The following PRPF8 variants were observed in gnomAD, a reference collection of about 807,000 sequenced individuals.
PRPF8 encodes the protein pre-mRNA-processing-splicing factor 8.
PRPF8 carries 64 observed loss-of-function variants against 285.9 expected under a neutral mutation model. The ratio of observed to expected loss-of-function variants is 0.22; its 90% CI spans 0.18 to 0.28. PRPF8 has a LOEUF of 0.28. Ranked by LOEUF, PRPF8 falls within the 10% of genes least tolerant of loss-of-function variation. The pLI is 1.00. For missense variants in PRPF8, 1,426 were observed against 3,026.7 expected (o/e 0.47, Z 12.41); for synonymous variants, 1,325 against 1,118.2 (o/e 1.18, Z -3.69).
At chr17:1,684,262 A>G (rs1008068917) in intron 2 of PRPF8, among the ~76,000 whole-genome samples, 1 of 152,218 alleles carries the variant, frequency 6.6e-6, no homozygotes. Context: ...CCGTAAGGAC[A>G]GGAATTTTGT....
At position 1,683,676 on chromosome 17, in the gene PRPF8, G is replaced by C; in HGVS notation, c.126C>G (p.Ala42=). The C allele has an allele frequency of 6.2e-7, 1 of 1,613,984 alleles. No homozygotes were observed. Residue 42 remains alanine (A), a synonymous_variant, in exon 3 of 43, where the codon GCC becomes GCG. Transcript: ENST00000304992. The part of the protein sequence containing the change: ...EKARKWQQLQ[A]KRYAEKRKFG... ...ACTTCCGCTTTTCTGCATAGCGCTT[G>C]GCCTGCAATTGCTGCCATTTTCGAG...
intron 3 of PRPF8, among the ~76,000 whole-genome samples, 188 bp from the exon 4 acceptor site, chr17:1,682,481 T>C (rs1912983750): frequency 1.3e-5 from 2 of 152,172 alleles, no homozygotes; most frequent in Non-Finnish European, 2.9e-5. Context: ...TGCACCACTC[T>C]TCTTAAACGT....
At position 1,679,276 on chromosome 17, in the gene PRPF8, C is replaced by T; in HGVS notation, c.1409+15G>A. On this transcript the variant is annotated intron_variant, in intron 10 of 42. Transcript: ENST00000304992. The surrounding 1 kb of genome is among the most constrained non-coding windows in gnomAD (Gnocchi z 4.7). ...CTGGAACAGAAGTCTGCGCAGGGCC[C>T]CTGGGGCACCTTACCTCTTCTTTTG... is the stretch of plus-strand genomic sequence containing the variant. 6.2e-7 allele frequency: 1 copy of T among 1,614,142 alleles called. No individual in the cohort carries two copies. Among genetic ancestry groups the T allele is most frequent in the Non-Finnish European group, 8.5e-7 (1 of 1,180,014 alleles).
chr17:1,651,232 G>T lies in PRPF8; in HGVS notation c.6729C>A (p.Asp2243Glu). 6.2e-7 allele frequency: 1 copy of T among 1,614,136 alleles called. No homozygotes were observed. The highest frequency in any genetic ancestry group is 8.5e-7 in the Non-Finnish European group (1 of 1,180,040). Reference protein sequence around the residue: ...SGYEWGRQNTDKGNNPKGYLP... With the variant: ...SGYEWGRQNTEKGNNPKGYLP... ...GGTAGCCCTTGGGGTTGTTGCCCTT[G>T]TCTGTGTTCTGGCGGCCCCATTCGT... Residue 2243 changes from aspartate (D) to glutamate (E), a missense_variant, in exon 42 of 43, where the codon GAC becomes GAA. Physicochemically the swap from Asp to Glu is conservative, Grantham distance 45 (BLOSUM62 2). Transcript: ENST00000304992. This position sits in a 1 kb window ranked among gnomAD's most constrained non-coding sequence, Gnocchi z 5.1.
intron 37 of PRPF8, chr17:1,654,924 C>G (rs1012363387): frequency 2.3e-5 from 5 of 218,380 alleles, no homozygotes; most frequent in African/African-American, 1.2e-4. Flanking sequence ...AGCACTCAAG[C>G]CTGGCTAAGA....
chr17:1,654,687 A>G (rs1911261107), intron 37 of PRPF8: 1 of 171,286 alleles, frequency 5.8e-6, no homozygotes, highest in Admixed American at 5.4e-5. Flanking sequence ...GCTGGAGTAC[A>G]GTGGCATCAT....
intron 36 of PRPF8, among the ~76,000 whole-genome samples, 171 bp from the exon 37 acceptor site, chr17:1,655,714 C>T (rs1424944001): frequency 1.3e-5 from 2 of 151,594 alleles, no homozygotes; most frequent in Non-Finnish European, 2.9e-5. Flanking sequence ...GCAAGCTCCG[C>T]CTCCCAGGTT....
chr17:1,662,070 G>A lies in PRPF8; in HGVS notation c.3858C>T (p.Asp1286=). ...EAVVNTQELL[D]LLVKCENKIQ... Reference sequence around the variant, plus strand: ...TTTTGTTCTCACACTTCACCAGTAAGTCCAAGAGCTCTTGGGTGTTCACCA... The same window carrying A: ...TTTTGTTCTCACACTTCACCAGTAAATCCAAGAGCTCTTGGGTGTTCACCA... Residue 1286 remains aspartate (D), a synonymous_variant, in exon 25 of 43, where the codon GAC becomes GAT. Coordinates refer to ENST00000304992, the MANE Select transcript of PRPF8 (RefSeq NM_006445.4). 1 of 1,614,082 alleles carries A rather than the reference G, an allele frequency of 6.2e-7. No homozygotes were observed. Among genetic ancestry groups the A allele is most frequent in the Non-Finnish European group, 8.5e-7 (1 of 1,180,026 alleles).
chr17:1,652,230 A>G (rs565203541), intron 39 of PRPF8: 33 of 304,784 alleles, frequency 1.1e-4, no homozygotes, highest in South Asian at 9.9e-4. Flanking sequence ...AAATTTGCCA[A>G]CCTGACAGCC....
chr17:1,665,657 G>T (rs1313115103), intron 24 of PRPF8, among the ~76,000 whole-genome samples: 2 of 151,646 alleles, frequency 1.3e-5, no homozygotes, highest in African/African-American at 4.8e-5. Flanking sequence ...GCCTGGCCAA[G>T]ATGGTGAAAC....
Position 1,653,339 on chromosome 17 carries a change from C to T in PRPF8, c.6369+203G>A, listed in dbSNP as rs116448896. ...TCCAAATACTATCAGGCCAATACTA[C>T]AATTACTACCTTCTCTCAGCTGCCA... On this transcript the variant is annotated intron_variant, in intron 39 of 42. Transcript: ENST00000304992. This position sits in a 1 kb window ranked among gnomAD's most constrained non-coding sequence, Gnocchi z 4.9. 1.3e-3 allele frequency: 900 copies of T among 686,180 alleles called. 9 individuals are homozygous for T. The African/African-American group carries it at 0.014, about 11-fold the overall frequency. 42.5% of individuals were successfully genotyped at this position (686,180 alleles called of 1,614,324 possible). A position where few individuals can be genotyped will look rare whatever the true frequency, so the allele number is the denominator to read the frequency against.
intron 21 of PRPF8, 104 bp downstream of exon 21, chr17:1,674,338 A>C: frequency 8.2e-7 from 1 of 1,224,608 alleles, no homozygotes; most frequent in South Asian, 1.2e-5. Flanking sequence ...TTCCATTTTA[A>C]AGCCCCAACA....
chr17:1,666,842 C>G (rs1912016304), intron 24 of PRPF8, among the ~76,000 whole-genome samples: 1 of 152,072 alleles, frequency 6.6e-6, no homozygotes, highest in Non-Finnish European at 1.5e-5. Context: ...GACTGAGCAT[C>G]TCGCATGTCC....
intron 36 of PRPF8, among the ~76,000 whole-genome samples, chr17:1,655,817 G>T (rs1911348557): frequency 6.6e-6 from 1 of 151,680 alleles, no homozygotes; most frequent in Non-Finnish European, 1.5e-5. Flanking sequence ...TAGTAGAGAT[G>T]GGGTTTCACT....
At chr17:1,668,363 T>TGG (rs1912112584) in intron 24 of PRPF8, among the ~76,000 whole-genome samples, 1 of 143,208 alleles carries the variant, frequency 7.0e-6, no homozygotes, top group African/African-American at 2.6e-5. Context: ...TCTTTTTTTT[T>TGG]TTTTTTTTTT....
intron 3 of PRPF8, 129 bp from the exon 4 acceptor site, chr17:1,682,422 C>T (rs1263805281): frequency 2.5e-6 from 3 of 1,180,470 alleles, no homozygotes; most frequent in Non-Finnish European, 3.7e-6. Context: ...ACTTAGCCCA[C>T]AGGCCCTTCC....
At chr17:1,664,111 G>A (rs147404246) in intron 24 of PRPF8, among the ~76,000 whole-genome samples, 2,040 of 152,134 alleles carry the variant, frequency 0.013, 44 homozygotes, top group African/African-American at 0.047. Context: ...ACTCATTGCA[G>A]CCTCCACCTC....
intron 13 of PRPF8, among the ~76,000 whole-genome samples, chr17:1,677,927 A>G (rs368894559): frequency 6.6e-6 from 1 of 152,222 alleles, no homozygotes; most frequent in Non-Finnish European, 1.5e-5. Flanking sequence ...GTGAATTTAA[A>G]GGAGCAGTAA....
rs932624875 is a variant in PRPF8, at chr17:1,659,192, A to G, written c.5138+165T>C. The G allele has an allele frequency of 1.3e-6, 1 of 796,120 alleles. No individual in the cohort carries two copies. The highest frequency in any genetic ancestry group is 2.1e-6 in the Non-Finnish European group (1 of 478,080). The allele number at this position is 796,120 out of a possible 1,614,324, so 49.3% of individuals were successfully genotyped here. On this transcript the variant is annotated intron_variant, in intron 32 of 42. Coordinates refer to ENST00000304992, the MANE Select transcript of PRPF8 (RefSeq NM_006445.4). This position sits in a 1 kb window ranked among gnomAD's most constrained non-coding sequence, Gnocchi z 5.1. ...AGGCGTGGACCACCACGCCCAGCTA[A>G]TTTTTTGTATTTTGGTAGAGACAGG...
Sources: gnomAD v4.1 joint callset for allele counts (sites outside exome capture counted in the v4.1 genomes callset) on GRCh38, gnomAD v4.1.1 for gene constraint, Gnocchi (gnomAD v3.1) non-coding constraint, MANE v1.5 for transcripts, NCBI Gene and HGNC (gene_info 2026-07-23, HGNC 2026-07-21) for gene names.